The following FADS3 variants were observed in gnomAD, a reference collection of about 807,000 sequenced individuals.
FADS3 encodes fatty acid desaturase 3.
A neutral mutation model predicts 60.4 loss-of-function variants in FADS3; 30 were observed. The observed-to-expected ratio is 0.50, with a 90% CI of 0.37 to 0.67. FADS3 has a LOEUF of 0.67. Ranked by LOEUF, FADS3 falls within the 30% of genes least tolerant of loss-of-function variation. FADS3 has a pLI of 0.00. For synonymous variants in FADS3, 234 were observed against 249.3 expected, an observed-to-expected ratio of 0.94 and a Z score of 0.58; for missense variants, 432 against 598.3, an observed-to-expected ratio of 0.72 and a Z score of 2.90.
At chr11:61,879,918 C>T in intron 2 of FADS3, 123 bp downstream of exon 2, 1 of 751,446 alleles carries the variant, frequency 1.3e-6, no homozygotes. Context: ...AGGCTCAGCC[C>T]TGGCTCTGCA....
intron 11 of FADS3, among the ~76,000 whole-genome samples, chr11:61,874,429 G>A (rs1293321175): frequency 1.3e-5 from 2 of 152,194 alleles, no homozygotes; most frequent in Non-Finnish European, 2.9e-5. Context: ...GTACAAAGGC[G>A]CAGAGGTATA....
chr11:61,875,833 G>A lies in FADS3; in HGVS notation c.1286+18C>T, dbSNP rs771078605. The A allele has an allele frequency of 1.9e-6, 3 of 1,609,460 alleles. No individual in the cohort carries two copies. The highest frequency in any genetic ancestry group is 1.1e-5 in the South Asian group (1 of 91,022). On this transcript the variant is annotated intron_variant, in intron 11 of 11. Transcript: ENST00000278829. ...CTGGGGAAGCCACCAGAACAGAGGG[G>A]CCGGGCTGCAGCCTCACCTGACGAT...
chr11:61,889,626 G>A (rs952241906), intron 1 of FADS3, among the ~76,000 whole-genome samples: 4 of 152,092 alleles, frequency 2.6e-5, no homozygotes, highest in African/African-American at 9.7e-5. Context: ...CAGTCTGGGT[G>A]GCAGAGCAAG....
intron 1 of FADS3, chr11:61,881,614 GCCT>G (rs1938133046): frequency 6.6e-6 from 1 of 152,162 alleles, no homozygotes; most frequent in African/African-American, 2.4e-5. Flanking sequence ...GAGGACAGGG[GCCT>G]CCTATTGTCC....
At chr11:61,879,200 T>A in intron 3 of FADS3, 112 bp downstream of exon 3, 1 of 963,554 alleles carries the variant, frequency 1.0e-6, no homozygotes, top group Non-Finnish European at 1.6e-6. Context: ...CATCCATTCA[T>A]CCTTTCATAG....
chr11:61,882,233 C>T (rs1353368613), intron 1 of FADS3: 1 of 150,766 alleles, frequency 6.6e-6, no homozygotes, highest in Non-Finnish European at 1.5e-5. Flanking sequence ...ACCTTAGCCT[C>T]TCTCGTAGCT....
chr11:61,877,321 C>T lies in FADS3; in HGVS notation c.885+190G>A. 3.3e-6 allele frequency: 1 copy of T among 301,820 alleles called. No homozygotes were observed. The highest frequency in any genetic ancestry group is 1.2e-3 in the Middle Eastern group (1 of 854). The allele number at this position is 301,820 out of a possible 1,614,324, so 18.7% of individuals were successfully genotyped here. A position where few individuals can be genotyped will look rare whatever the true frequency, so the allele number is the denominator to read the frequency against. On this transcript the variant is annotated intron_variant, in intron 7 of 11. Transcript: ENST00000278829. The surrounding 1 kb of genome is among the most constrained non-coding windows in gnomAD (Gnocchi z 4.7). Reference sequence around the variant, plus strand: ...CCTCAACCCCCCCCCACCACACGTACAGTCACGGGCACACTCGCTCTCCTG... The same window carrying T: ...CCTCAACCCCCCCCCACCACACGTATAGTCACGGGCACACTCGCTCTCCTG...
Position 61,879,335 on chromosome 11 carries a change from C to T in FADS3, c.499G>A (p.Ala167Thr), listed in dbSNP as rs756799263. The change falls in exon 3 of 12, where the codon GCC becomes ACC. Residue 167 changes from alanine (A) to threonine (T), a missense_variant. By Grantham distance (58) the Ala-to-Thr change is moderately conservative (BLOSUM62 0). This residue lies in a region of FADS3 where 116 missense variants were observed against 208.9 expected (regional missense o/e 0.56). Coordinates refer to ENST00000278829, the MANE Select transcript of FADS3 (RefSeq NM_021727.5). The stretch of plus-strand genomic sequence containing the variant: ...ACCTGAGAGATGGCCAGGATGAAGG[C>T]GGCCAGGGCACTGGGCACCCAGCCA... Reference protein sequence around the residue: ...GPGWVPSALAAFILAISQAQS... With the variant: ...GPGWVPSALATFILAISQAQS... The T allele has an allele frequency of 2.0e-5, 31 of 1,554,812 alleles. No individual in the cohort carries two copies. In the African/African-American group the frequency reaches 2.2e-4, roughly 11 times the overall value.
At position 61,891,412 on chromosome 11, in the gene FADS3, C is replaced by T; in HGVS notation, c.-31G>A. On this transcript the variant is annotated 5_prime_UTR_variant, in exon 1 of 12. Transcript: ENST00000278829. ...ACGCACGAGTCCTGGGGATCCCAGG[C>T]GGTGGCCGAGGTCCGAGCAAGACCC... The T allele has an allele frequency of 5.1e-6, 7 of 1,382,212 alleles. No individual in the cohort carries two copies. The highest frequency in any genetic ancestry group is 6.5e-6 in the Non-Finnish European group (7 of 1,070,324). The allele number at this position is 1,382,212 out of a possible 1,614,324, so 85.6% of individuals were successfully genotyped here. A position where few individuals can be genotyped will look rare whatever the true frequency, so the allele number is the denominator to read the frequency against.
At chr11:61,878,287 G>A in intron 5 of FADS3, 72 bp from the exon 6 acceptor site, 3 of 1,514,336 alleles carry the variant, frequency 2.0e-6, no homozygotes, top group Non-Finnish European at 2.7e-6. Flanking sequence ...AGGTCACGGG[G>A]CTGGCTGGGG....
intron 1 of FADS3, among the ~76,000 whole-genome samples, chr11:61,886,763 T>C (rs1938334424): frequency 6.6e-6 from 1 of 152,224 alleles, no homozygotes; most frequent in Non-Finnish European, 1.5e-5. Flanking sequence ...TTAGGCGAAT[T>C]CAATCAGTTA....
intron 1 of FADS3, chr11:61,881,597 G>C (rs1275029980): frequency 6.6e-6 from 1 of 152,218 alleles, no homozygotes; most frequent in Non-Finnish European, 1.5e-5. Context: ...TTTGAAGAAA[G>C]CTGACTGAGG....
Position 61,878,606 on chromosome 11 carries a change from C to CG in FADS3, c.652dup (p.Arg218ProfsTer64). 1.2e-6 allele frequency: 2 copies of CG among 1,614,114 alleles called. No homozygotes were observed. On this transcript the variant is annotated frameshift_variant, in exon 5 of 12. Coordinates refer to ENST00000278829, the MANE Select transcript of FADS3 (RefSeq NM_021727.5). LOFTEE classifies it high-confidence loss of function. ...GGGCTTGGCGTGGTGCTGGAAGTGG[C>CG]GGAAGTTCCACCAGTGGGCGGAGAA...
chr11:61,879,138 CA>C (rs1425817278), intron 3 of FADS3, among the ~76,000 whole-genome samples, 173 bp downstream of exon 3: 1 of 152,264 alleles, frequency 6.6e-6, no homozygotes, highest in Non-Finnish European at 1.5e-5. Context: ...CAGCTTGACC[CA>C]CAGACATGCC....
chr11:61,879,542 A>G (rs746226632), intron 2 of FADS3, 33 bp from the exon 3 acceptor site: 28 of 1,560,002 alleles, frequency 1.8e-5, no homozygotes, highest in Admixed American at 3.8e-5. Context: ...CAGCCAAGGA[A>G]GAAATTCCTC....
intron 1 of FADS3, among the ~76,000 whole-genome samples, chr11:61,885,589 C>G (rs1236226026): frequency 6.6e-6 from 1 of 152,184 alleles, no homozygotes; most frequent in Non-Finnish European, 1.5e-5. Context: ...CTGTTAAGTC[C>G]TGGCCAAGCC....
In FADS3 at chr11:61,891,172, G is replaced by A; in HGVS notation, c.210C>T (p.Ala70=). The A allele has an allele frequency of 6.4e-7, 1 of 1,558,820 alleles. No homozygotes were observed. The highest frequency in any genetic ancestry group is 1.4e-5 in the African/African-American group (1 of 73,648). ...GGCTTCCTTATGGCTTCCTTACCGT[G>A]GCGTCCTCAGCGCCGTGGTGGCCGA... ...RLIGHHGAED[A]TDAFRAFHQD... The change falls in exon 1 of 12, where the codon GCC becomes GCT. Residue 70 remains alanine (A), a synonymous_variant. Coordinates refer to ENST00000278829, the MANE Select transcript of FADS3 (RefSeq NM_021727.5).
At position 61,878,518 on chromosome 11, in the gene FADS3, G is replaced by C. The variant is rs766279636; in HGVS notation, c.741C>G (p.Ser247=). 6.2e-7 allele frequency: 1 copy of C among 1,613,890 alleles called. No homozygotes were observed. Among genetic ancestry groups the C allele is most frequent in the Admixed American group, 1.7e-5 (1 of 60,014 alleles). ...CACGTCCCTCCCCACCCACCTCGAC[G>C]GATGACTCCCCCAGGAGGAAGACGG... ...VAPVFLLGES[S]VEYGKKKRRY... Residue 247 remains serine, a synonymous_variant, in exon 5 of 12, where the codon TCC becomes TCG. Coordinates refer to ENST00000278829, the MANE Select transcript of FADS3 (RefSeq NM_021727.5).
At chr11:61,879,954 C>A in intron 2 of FADS3, 87 bp downstream of exon 2, 3 of 1,085,382 alleles carry the variant, frequency 2.8e-6, no homozygotes, top group South Asian at 1.5e-5. Flanking sequence ...GCCGAGGGAG[C>A]TGCTCCTGGC....
Sources: allele counts gnomAD v4.1 joint callset (sites outside exome capture counted in the v4.1 genomes callset), GRCh38; gene constraint gnomAD v4.1.1; regional missense constraint gnomAD v4.1.1; non-coding constraint Gnocchi (gnomAD v3.1); transcripts MANE v1.5; gene names NCBI Gene and HGNC (gene_info 2026-07-23, HGNC 2026-07-21).